Variants in ARHGEF9 observed in about 807,000 individuals in gnomAD.
ARHGEF9 encodes the protein Cdc42 guanine nucleotide exchange factor 9.
Under a neutral mutation model 41.3 loss-of-function variants are expected in ARHGEF9, and 2 were observed. The ratio of observed to expected loss-of-function variants is 0.05; its 90% CI spans 0.02 to 0.15. The LOEUF (loss-of-function observed/expected upper bound fraction) is 0.15. Ranked by LOEUF, ARHGEF9 falls within the 10% of genes least tolerant of loss-of-function variation. The pLI, the probability that ARHGEF9 is intolerant of heterozygous loss-of-function variation, is 1.00. For synonymous variants in ARHGEF9, 160 were observed against 154.4 expected, an observed-to-expected ratio of 1.04 and a Z score of -0.27; for missense variants, 225 against 424.7, an observed-to-expected ratio of 0.53 and a Z score of 4.13.
intron 1 of ARHGEF9, among the ~76,000 whole-genome samples, chrX:63,729,481 T>C (rs2054157054): frequency 9.0e-6 from 1 of 111,668 alleles, no homozygotes; most frequent in Non-Finnish European, 1.9e-5. Flanking sequence ...TCATCAACAT[T>C]ATCAAATGGT....
intron 1 of ARHGEF9, chrX:63,754,519 T>C: frequency 9.1e-7 from 1 of 1,095,940 alleles, no homozygotes; most frequent in Non-Finnish European, 1.2e-6. Flanking sequence ...GAGTATGACA[T>C]TGACAAGCAG....
intron 2 of ARHGEF9, among the ~76,000 whole-genome samples, chrX:63,715,016 G>C (rs1222693120): frequency 9.0e-6 from 1 of 111,683 alleles, no homozygotes; most frequent in African/African-American, 3.3e-5. Context: ...CTTAAAGTGA[G>C]AACTCAAGCT....
chrX:63,655,917 A>G (rs2048849967), intron 7 of ARHGEF9, among the ~76,000 whole-genome samples, 180 bp from the exon 8 acceptor site: 1 of 111,959 alleles, frequency 8.9e-6, no homozygotes, highest in Non-Finnish European at 1.9e-5. Context: ...GGTTAACTAG[A>G]TGCCCAAAGA....
intron 4 of ARHGEF9, among the ~76,000 whole-genome samples, chrX:63,681,923 C>A (rs1556369872): frequency 9.1e-6 from 1 of 110,495 alleles, no homozygotes; most frequent in Admixed American, 9.7e-5. Flanking sequence ...AACTTGGAAA[C>A]ACCAGAGGAA....
intron 2 of ARHGEF9, among the ~76,000 whole-genome samples, chrX:63,710,677 C>G (rs1303546843): frequency 4.5e-5 from 5 of 110,684 alleles, no homozygotes; most frequent in Non-Finnish European, 9.5e-5. Flanking sequence ...TAGAAGGGAA[C>G]TTTTCTCCAA....
At position 63,688,211 on chromosome X, in the gene ARHGEF9, T is replaced by C. The variant is rs782654010; in HGVS notation, c.582+8914A>G. ...GGGCAGGAGGGAGGGGGGCAACATA[T>C]TCAAAGTACTGAATGAAAAAAACAA... On this transcript the variant is annotated intron_variant, in intron 4 of 9. Coordinates refer to ENST00000671741, the MANE Select transcript of ARHGEF9 (RefSeq NM_001353921.2). Among the ~76,000 whole-genome samples the C allele has an allele frequency of 4.5e-5, 5 of 110,744 alleles. No homozygotes were observed. The East Asian group carries it at 1.4e-3, about 32-fold the overall frequency.
At chrX:63,644,785 G>C (rs1470091008) in intron 8 of ARHGEF9, among the ~76,000 whole-genome samples, 1 of 106,647 alleles carries the variant, frequency 9.4e-6, no homozygotes, top group Non-Finnish European at 1.9e-5. Flanking sequence ...TTGGAGGCAA[G>C]GTTTTGCTTT....
chrX:63,680,896 A>C (rs782576886), intron 4 of ARHGEF9, among the ~76,000 whole-genome samples: 10 of 110,950 alleles, frequency 9.0e-5, no homozygotes, highest in South Asian at 7.7e-4. Flanking sequence ...ACAACAACAA[A>C]AAACATGCCT....
intron 1 of ARHGEF9, among the ~76,000 whole-genome samples, chrX:63,752,508 GA>G (rs1197822390): frequency 2.7e-5 from 3 of 111,568 alleles, no homozygotes; most frequent in African/African-American, 9.8e-5. Flanking sequence ...GCTAAGGGGG[GA>G]AAAAAACTCA....
At chrX:63,658,285 G>A (rs781938672) in intron 7 of ARHGEF9, among the ~76,000 whole-genome samples, 46 of 111,853 alleles carry the variant, frequency 4.1e-4, no homozygotes, top group Non-Finnish European at 7.0e-4. Flanking sequence ...GTTTTCAGGC[G>A]CTAGATTTGT....
chrX:63,778,189 T>C (rs1272181007), intron 1 of ARHGEF9, among the ~76,000 whole-genome samples: 7 of 112,604 alleles, frequency 6.2e-5, no homozygotes, highest in Non-Finnish European at 9.4e-5. Context: ...AGGTTTGGCC[T>C]CAATTCTTGA....
intron 1 of ARHGEF9, among the ~76,000 whole-genome samples, chrX:63,745,702 A>G (rs2055229363): frequency 1.8e-5 from 2 of 111,479 alleles, no homozygotes; most frequent in Admixed American, 1.9e-4. Context: ...GCACTTTAAT[A>G]TCTGCCCCTA....
At chrX:63,704,376 T>A (rs1421159009) in intron 3 of ARHGEF9, among the ~76,000 whole-genome samples, 7 of 112,292 alleles carry the variant, frequency 6.2e-5, no homozygotes, top group African/African-American at 2.3e-4. Context: ...TTCCAGGTGA[T>A]GCAGATGCTG....
At chrX:63,760,686 A>G (rs781933359) in intron 1 of ARHGEF9, among the ~76,000 whole-genome samples, 1 of 111,774 alleles carries the variant, frequency 8.9e-6, no homozygotes, top group African/African-American at 3.3e-5. Context: ...TATCCTCTCT[A>G]TAGTACATGA....
chrX:63,638,923 T>C (rs1168834566), intron 9 of ARHGEF9, among the ~76,000 whole-genome samples: 2 of 111,983 alleles, frequency 1.8e-5, no homozygotes, highest in Admixed American at 9.5e-5. Context: ...GATACTAATA[T>C]TAAAAACCTT....
At chrX:63,669,364 T>C in intron 6 of ARHGEF9, among the ~76,000 whole-genome samples, 1 of 112,152 alleles carries the variant, frequency 8.9e-6, no homozygotes, top group Middle Eastern at 4.6e-3. Flanking sequence ...CACATCTCAT[T>C]GATCTCAATA....
chrX:63,678,316 C>T (rs1244853497), intron 5 of ARHGEF9, 24 bp downstream of exon 5: 22 of 1,150,392 alleles, frequency 1.9e-5, no homozygotes, highest in Middle Eastern at 2.4e-4. Context: ...CCCTCATTCA[C>T]TCCTGACTCC....
chrX:63,656,151 A>G (rs2048865071), intron 7 of ARHGEF9, among the ~76,000 whole-genome samples: 1 of 111,385 alleles, frequency 9.0e-6, no homozygotes, highest in Admixed American at 9.6e-5. Context: ...GTGAGACCTG[A>G]ACATCAGAGG....
chrX:63,761,916 G>A (rs144392633), intron 1 of ARHGEF9, among the ~76,000 whole-genome samples: 1 of 112,012 alleles, frequency 8.9e-6, no homozygotes, highest in East Asian at 2.8e-4. Flanking sequence ...TCTACTCAGG[G>A]TAGAGAGAGA....
Sources: allele counts gnomAD v4.1 joint callset (sites outside exome capture counted in the v4.1 genomes callset), GRCh38; gene constraint gnomAD v4.1.1; transcripts MANE v1.5; gene names NCBI Gene and HGNC (gene_info 2026-07-23, HGNC 2026-07-21).